PGAP1: variants seen among roughly 807,000 people sequenced by gnomAD.
PGAP1 encodes the protein post-GPI attachment to proteins inositol deacylase 1, also known as GPI inositol-deacylase.
PGAP1 carries 76 observed loss-of-function variants against 127.0 expected under a neutral mutation model. That is an observed-to-expected ratio of 0.60 (90% CI 0.50 to 0.72). The LOEUF (loss-of-function observed/expected upper bound fraction) is 0.72. PGAP1 is among the 30% of genes least tolerant of loss of function. PGAP1 has a pLI of 0.00. For synonymous variants in PGAP1, 362 were observed against 366.5 expected (o/e 0.99, Z 0.14); for missense variants, 982 against 1,071.3 (o/e 0.92, Z 1.16).
intron 2 of PGAP1, among the ~76,000 whole-genome samples, chr2:196,917,571 C>T (rs1703057780): frequency 6.6e-6 from 1 of 152,152 alleles, no homozygotes; most frequent in Admixed American, 6.5e-5. Flanking sequence ...TACGGGTTTG[C>T]CTATTTTGGA....
intron 4 of PGAP1, among the ~76,000 whole-genome samples, chr2:196,904,427 G>C (rs1279745363): frequency 6.6e-6 from 1 of 152,148 alleles, no homozygotes; most frequent in South Asian, 2.1e-4. Flanking sequence ...AGCAGGCTTA[G>C]GGCACATAGA....
intron 3 of PGAP1, among the ~76,000 whole-genome samples, chr2:196,913,895 C>T (rs115241229): frequency 0.01 from 1,551 of 152,296 alleles, 22 homozygotes; most frequent in African/African-American, 0.035. Flanking sequence ...TTATGCTGAA[C>T]ACCTGCTGTC....
At chr2:196,854,195 G>A (rs1024282425) in intron 20 of PGAP1, among the ~76,000 whole-genome samples, 14 of 151,630 alleles carry the variant, frequency 9.2e-5, no homozygotes, top group African/African-American at 2.9e-4. Context: ...CCACACACCC[G>A]GCCGAAAATT....
At chr2:196,862,717 C>T (rs945442768) in intron 20 of PGAP1, among the ~76,000 whole-genome samples, 3 of 152,140 alleles carry the variant, frequency 2.0e-5, no homozygotes, top group Admixed American at 6.5e-5. Context: ...AAAGAACCTA[C>T]GTGACTATCG....
At chr2:196,895,172 T>C (rs1230428472) in intron 7 of PGAP1, among the ~76,000 whole-genome samples, 1 of 152,224 alleles carries the variant, frequency 6.6e-6, no homozygotes, top group Admixed American at 6.5e-5. Context: ...ATCAAAAATT[T>C]CTCATTTTCT....
intron 1 of PGAP1, among the ~76,000 whole-genome samples, chr2:196,923,820 C>T (rs189529823): frequency 1.3e-5 from 2 of 152,288 alleles, no homozygotes; most frequent in East Asian, 3.9e-4. Flanking sequence ...GCCAACATTT[C>T]CTTTCAGAGA....
chr2:196,903,133 T>G (rs1202400612), intron 4 of PGAP1, among the ~76,000 whole-genome samples: 1 of 152,094 alleles, frequency 6.6e-6, no homozygotes, highest in Non-Finnish European at 1.5e-5. Context: ...TTGTAGACAT[T>G]TGTGGTGTTA....
intron 20 of PGAP1, among the ~76,000 whole-genome samples, chr2:196,853,496 C>T (rs1700782505): frequency 6.6e-6 from 1 of 152,288 alleles, no homozygotes; most frequent in Admixed American, 6.5e-5. Flanking sequence ...TGGGCTTACA[C>T]TTATAACCTT....
At position 196,845,991 on chromosome 2, in the gene PGAP1, T is replaced by C. The variant is rs1261875806; in HGVS notation, c.2177A>G (p.Lys726Arg). ...KRPSELPKDI[K>R]MISPDLPFLT... Reference sequence around the variant, plus strand: ...AAAGGGCAAGTCTGGTGATATCATCTTGATATCTTTAGGAAGTTCAGAGGG... The same window carrying C: ...AAAGGGCAAGTCTGGTGATATCATCCTGATATCTTTAGGAAGTTCAGAGGG... The change falls in exon 23 of 27, where the codon AAG becomes AGG. Residue 726 changes from lysine to arginine, a missense_variant. Transcript: ENST00000354764. 1.9e-6 allele frequency: 3 copies of C among 1,597,214 alleles called. No individual in the cohort carries two copies. Among genetic ancestry groups the C allele is most frequent in the Non-Finnish European group, 2.6e-6 (3 of 1,167,960 alleles).
intron 7 of PGAP1, among the ~76,000 whole-genome samples, chr2:196,896,124 T>G (rs750257382): frequency 4.1e-4 from 62 of 152,242 alleles, no homozygotes; most frequent in Middle Eastern, 3.4e-3. Context: ...AAGAAAGAGA[T>G]AAAAGAGTAA....
intron 20 of PGAP1, among the ~76,000 whole-genome samples, chr2:196,851,674 C>G (rs1700725891): frequency 6.6e-6 from 1 of 152,128 alleles, no homozygotes; most frequent in Non-Finnish European, 1.5e-5. Flanking sequence ...GTGTGCAGTA[C>G]TCATATGAGC....
intron 19 of PGAP1, among the ~76,000 whole-genome samples, chr2:196,869,460 C>G (rs1302846505): frequency 1.3e-5 from 2 of 152,018 alleles, no homozygotes; most frequent in African/African-American, 4.8e-5. Flanking sequence ...TCAGCCTCCC[C>G]AGTAGCTGGG....
At chr2:196,924,901 A>C (rs1286628181) in intron 1 of PGAP1, among the ~76,000 whole-genome samples, 1 of 152,216 alleles carries the variant, frequency 6.6e-6, no homozygotes, top group African/African-American at 2.4e-5. Flanking sequence ...ATAAATGGGA[A>C]TTAGTACTGT....
intron 20 of PGAP1, among the ~76,000 whole-genome samples, chr2:196,859,520 C>T (rs903050834): frequency 8.6e-5 from 13 of 151,794 alleles, no homozygotes; most frequent in African/African-American, 3.1e-4. Context: ...TTCTATGAGG[C>T]CAGCATAACC....
rs752647618 is a variant in PGAP1 at position 196,842,805 on chromosome 2, G to C, written c.2546C>G (p.Pro849Arg). 1 of 1,553,046 alleles carries C rather than the reference G, an allele frequency of 6.4e-7. No individual in the cohort carries two copies. The highest frequency in any genetic ancestry group is 8.8e-7 in the Non-Finnish European group (1 of 1,142,402). Residue 849 changes from proline to arginine, a missense_variant, in exon 26 of 27, where the codon CCT (proline) becomes CGT (arginine). Physicochemically the swap from Pro to Arg is moderately radical, Grantham distance 103. Transcript: ENST00000354764. ...AAATGCCAAAGGTTTACATGGATCA[G>C]GATTAAGTTTAAAATAATACCTATA... ...KNLRYYFKLN[P>R]DPCKPLAFIL... is the part of the protein sequence containing the mutation.
rs76027237 is a variant in PGAP1 at position 196,878,422 on chromosome 2, G to T, written c.1350+1654C>A. On this transcript the variant is annotated intron_variant, in intron 13 of 26. Transcript: ENST00000354764. ...TCAGGGGTTGAATTTTCCAATTGTG[G>T]TGTCAGGTTGGCACTCAAAAAGTTT... Among the ~76,000 whole-genome samples, 332 of 152,222 alleles carry T rather than the reference G, an allele frequency of 2.2e-3. 2 individuals are homozygous for T. The highest frequency in any genetic ancestry group is 7.6e-3 in the African/African-American group (315 of 41,524).
intron 24 of PGAP1, 36 bp downstream of exon 24, chr2:196,844,488 T>A: frequency 6.7e-7 from 1 of 1,482,810 alleles, no homozygotes; most frequent in Non-Finnish European, 9.2e-7. Context: ...GTTCTTTCAT[T>A]TTAAATTTAT....
chr2:196,866,876 G>A (rs376072742), intron 19 of PGAP1, among the ~76,000 whole-genome samples: 8 of 151,640 alleles, frequency 5.3e-5, no homozygotes, highest in Admixed American at 3.3e-4. Context: ...AAAAATCATC[G>A]TATGTTTTTT....
At position 196,873,514 on chromosome 2, in the gene PGAP1, GA is replaced by G; in HGVS notation, c.1552+13del. The G allele has an allele frequency of 6.3e-7, 1 of 1,590,990 alleles. No individual in the cohort carries two copies. The highest frequency in any genetic ancestry group is 8.6e-7 in the Non-Finnish European group (1 of 1,164,998). ...AATATTATTTTCTATACATTTTTTA[GA>G]AAACATATTTACCTTTGACTGCTGA... On this transcript the variant is annotated intron_variant, in intron 16 of 26. Coordinates refer to ENST00000354764, the MANE Select transcript of PGAP1 (RefSeq NM_024989.4).
Sources: gnomAD v4.1 joint callset for allele counts (sites outside exome capture counted in the v4.1 genomes callset) on GRCh38, gnomAD v4.1.1 for gene constraint, MANE v1.5 for transcripts, NCBI Gene and HGNC (gene_info 2026-07-23, HGNC 2026-07-21) for gene names.